Variants in ESR1 observed in about 807,000 individuals in gnomAD.
The protein encoded by ESR1 is estrogen receptor 1, also known as estrogen receptor.
Under a neutral mutation model 52.7 loss-of-function variants are expected in ESR1, and 12 were observed. The observed-to-expected ratio is 0.23, with a 90% confidence interval of 0.15 to 0.37. ESR1 has a LOEUF of 0.37. ESR1 is among the 10% of genes least tolerant of loss of function. The pLI, the probability that ESR1 is intolerant of heterozygous loss-of-function variation, is 1.00. For synonymous variants in ESR1, 305 were observed against 316.8 expected (o/e 0.96, Z 0.39); for missense variants, 584 against 779.7 (o/e 0.75, Z 2.99).
At chr6:151,968,010 C>G (rs142218895) in intron 4 of ESR1, among the ~76,000 whole-genome samples, 1 of 151,992 alleles carries the variant, frequency 6.6e-6, no homozygotes, top group African/African-American at 2.4e-5. Flanking sequence ...TCATATCCTT[C>G]GCCCACTTTT....
intron 6 of ESR1, among the ~76,000 whole-genome samples, chr6:152,071,226 AAG>A (rs1491368583): frequency 0.22 from 33,770 of 152,058 alleles, 5,507 homozygotes; most frequent in African/African-American, 0.45. Context: ...CAGATATAAC[AAG>A]AAAATTATTC....
At chr6:151,772,074 A>G (rs1383038177) in intron 2 of ESR1, among the ~76,000 whole-genome samples, 1 of 152,180 alleles carries the variant, frequency 6.6e-6, no homozygotes, top group Admixed American at 6.5e-5. Context: ...TTTTGTTACT[A>G]ACAAATGCAA....
intron 5 of ESR1, among the ~76,000 whole-genome samples, chr6:152,044,667 C>G (rs538282588): frequency 6.6e-6 from 1 of 152,138 alleles, no homozygotes. Flanking sequence ...GTCCAATGTT[C>G]GAGGCCAGGA....
intron 4 of ESR1, among the ~76,000 whole-genome samples, chr6:151,966,774 T>C (rs968504213): frequency 6.6e-6 from 1 of 152,188 alleles, no homozygotes; most frequent in East Asian, 1.9e-4. Flanking sequence ...AGCACACCCT[T>C]ATCCACAGCT....
At chr6:151,827,941 T>G (rs1437561026) in intron 1 of ESR1, among the ~76,000 whole-genome samples, 2 of 152,230 alleles carry the variant, frequency 1.3e-5, no homozygotes, top group African/African-American at 4.8e-5. Context: ...TCATCATCTC[T>G]CCAGCTAGAG....
chr6:152,045,146 A>G (rs1046949284), intron 5 of ESR1, among the ~76,000 whole-genome samples: 1 of 152,208 alleles, frequency 6.6e-6, no homozygotes, highest in Non-Finnish European at 1.5e-5. Flanking sequence ...GTGGAATGGT[A>G]CATGGAGAAG....
At chr6:151,880,286 G>C (rs950153602) in intron 2 of ESR1, among the ~76,000 whole-genome samples, 1 of 146,278 alleles carries the variant, frequency 6.8e-6, no homozygotes, top group Non-Finnish European at 1.5e-5. Context: ...GGGTTCAAGC[G>C]ATTCTCCTGC....
intron 2 of ESR1, among the ~76,000 whole-genome samples, chr6:151,859,319 A>G (rs527806860): frequency 3.3e-5 from 5 of 152,364 alleles, no homozygotes; most frequent in African/African-American, 1.2e-4. Flanking sequence ...TTATGTCACC[A>G]TAGAAAAATA....
chr6:151,968,521 C>T (rs551682434), intron 4 of ESR1, among the ~76,000 whole-genome samples: 45 of 152,170 alleles, frequency 3.0e-4, no homozygotes, highest in African/African-American at 9.1e-4. Context: ...GCAATCTATC[C>T]GTCTGACAAA....
intron 4 of ESR1, among the ~76,000 whole-genome samples, chr6:151,952,693 G>A (rs2036455669): frequency 6.6e-6 from 1 of 152,102 alleles, no homozygotes; most frequent in Non-Finnish European, 1.5e-5. Context: ...TTCCTTCATG[G>A]TATATTTGTT....
At chr6:152,020,710 C>A (rs779140646) in intron 5 of ESR1, among the ~76,000 whole-genome samples, 1 of 152,184 alleles carries the variant, frequency 6.6e-6, no homozygotes, top group Non-Finnish European at 1.5e-5. Context: ...CTTGGCCTCC[C>A]AAATTGCTGG....
At chr6:152,063,271 G>T (rs1012574922) in intron 6 of ESR1, among the ~76,000 whole-genome samples, 4 of 152,158 alleles carry the variant, frequency 2.6e-5, no homozygotes, top group African/African-American at 9.7e-5. Context: ...GAAATTCAAG[G>T]CACTGTATGC....
At chr6:152,066,933 C>A (rs1477397467) in intron 6 of ESR1, among the ~76,000 whole-genome samples, 1 of 152,146 alleles carries the variant, frequency 6.6e-6, no homozygotes, top group Non-Finnish European at 1.5e-5. Flanking sequence ...GAAAGAATGA[C>A]CAGTTAGTAA....
At chr6:152,108,630 T>A (rs1421894588) in intron 6 of ESR1, among the ~76,000 whole-genome samples, 1 of 152,202 alleles carries the variant, frequency 6.6e-6, no homozygotes, top group Non-Finnish European at 1.5e-5. Flanking sequence ...CATGTGTTAT[T>A]TCTGGGGATC....
chr6:151,808,409 C>T, intron 1 of ESR1, 45 bp downstream of exon 1: 2 of 432,894 alleles, frequency 4.6e-6, no homozygotes, highest in South Asian at 2.6e-5. Flanking sequence ...CCGCGCCCGG[C>T]AGGAGGGAGG....
chr6:152,046,574 A>T (rs749034183), intron 5 of ESR1, among the ~76,000 whole-genome samples: 3 of 152,190 alleles, frequency 2.0e-5, no homozygotes, highest in African/African-American at 7.2e-5. Context: ...ACAAAGTAGA[A>T]ACTATATGGT....
chr6:152,098,868 G>T lies in ESR1; in HGVS notation c.1690G>T (p.Asp564Tyr), dbSNP rs774794965. ...TGGAGGGGCATCCGTGGAGGAGACG[G>T]ACCAAAGCCACTTGGCCACTGCGGG... ...SRGGASVEET[D>Y]QSHLATAGST... Residue 564 changes from aspartate to tyrosine, a missense_variant, in exon 8 of 8, where the codon GAC (aspartate) becomes TAC (tyrosine). By Grantham distance (160) the Asp-to-Tyr change is radical. Around this residue, in one of 6 missense-constraint regions of ESR1, gnomAD observed 71 missense variants for 66.1 expected, o/e 1.07. Coordinates refer to ENST00000206249, the MANE Select transcript of ESR1 (RefSeq NM_000125.4). This position sits in a 1 kb window ranked among gnomAD's most constrained non-coding sequence, Gnocchi z 5.1. 1.2e-6 allele frequency: 2 copies of T among 1,614,166 alleles called. No individual in the cohort carries two copies. Among genetic ancestry groups the T allele is most frequent in the Non-Finnish European group, 1.7e-6 (2 of 1,180,040 alleles).
At chr6:151,890,487 A>G (rs1282403499) in intron 3 of ESR1, among the ~76,000 whole-genome samples, 1 of 152,170 alleles carries the variant, frequency 6.6e-6, no homozygotes, top group Non-Finnish European at 1.5e-5. Context: ...TTCTGTATGT[A>G]TCTGTTAAGT....
intron 3 of ESR1, among the ~76,000 whole-genome samples, chr6:151,926,988 T>C (rs140133579): frequency 1.1e-4 from 16 of 152,308 alleles, no homozygotes; most frequent in African/African-American, 3.8e-4. Context: ...ATTGTTTTTT[T>C]AAATTTCCTA....
Sources: allele counts gnomAD v4.1 joint callset (sites outside exome capture counted in the v4.1 genomes callset), GRCh38; gene constraint gnomAD v4.1.1; regional missense constraint gnomAD v4.1.1; non-coding constraint Gnocchi (gnomAD v3.1); transcripts MANE v1.5; gene names NCBI Gene and HGNC (gene_info 2026-07-23, HGNC 2026-07-21).